RAB3GAP2: variants seen among roughly 807,000 people sequenced by gnomAD.
The protein encoded by RAB3GAP2 is rab3 GTPase-activating protein non-catalytic subunit.
A neutral mutation model predicts 185.3 loss-of-function variants in RAB3GAP2; 87 were observed. The observed-to-expected ratio is 0.47, with a 90% confidence interval of 0.39 to 0.56. The LOEUF (loss-of-function observed/expected upper bound fraction) is 0.56, where lower values mean the gene tolerates loss of function less well. RAB3GAP2 is among the 20% of genes least tolerant of loss of function. The pLI is 0.00. For missense variants in RAB3GAP2, 1,492 were observed against 1,638.2 expected (o/e 0.91, Z 1.54); for synonymous variants, 554 against 576.1 (o/e 0.96, Z 0.55).
At chr1:220,191,993 A>G (rs1344522274) in intron 13 of RAB3GAP2, among the ~76,000 whole-genome samples, 2 of 152,044 alleles carry the variant, frequency 1.3e-5, no homozygotes, top group Non-Finnish European at 2.9e-5. Context: ...GCTATTTTCC[A>G]TTTTAGGGTG....
chr1:220,189,438 C>T (rs957889301), intron 17 of RAB3GAP2, among the ~76,000 whole-genome samples: 6 of 151,712 alleles, frequency 4.0e-5, no homozygotes, highest in African/African-American at 1.5e-4. Flanking sequence ...CCAGGCTGGT[C>T]TCGAACTACT....
At chr1:220,249,858 G>A (rs1571928489) in intron 1 of RAB3GAP2, among the ~76,000 whole-genome samples, 1 of 152,294 alleles carries the variant, frequency 6.6e-6, no homozygotes, top group East Asian at 1.9e-4. Flanking sequence ...TTGGGCCTGT[G>A]GGTGCATAGA....
chr1:220,244,385 G>T (rs534992522), intron 1 of RAB3GAP2, among the ~76,000 whole-genome samples: 5 of 152,078 alleles, frequency 3.3e-5, no homozygotes, highest in Admixed American at 3.3e-4. Context: ...ACTACAAAAC[G>T]CTGCTGAAAG....
intron 1 of RAB3GAP2, among the ~76,000 whole-genome samples, chr1:220,247,617 T>C (rs1220244007): frequency 1.3e-5 from 2 of 151,960 alleles, no homozygotes; most frequent in Non-Finnish European, 2.9e-5. Flanking sequence ...GGGAGGGAGA[T>C]GAAGGATAAA....
chr1:220,231,687 G>A (rs1216988457), intron 2 of RAB3GAP2, among the ~76,000 whole-genome samples: 2 of 152,186 alleles, frequency 1.3e-5, no homozygotes, highest in South Asian at 2.1e-4. Context: ...AAATGAGCAT[G>A]TGGCCCAATC....
At chr1:220,180,686 A>AT (rs1169778377) in intron 21 of RAB3GAP2, among the ~76,000 whole-genome samples, 1 of 152,198 alleles carries the variant, frequency 6.6e-6, no homozygotes, top group Non-Finnish European at 1.5e-5. Context: ...TACTCAAACT[A>AT]TTTCACAACA....
intron 17 of RAB3GAP2, among the ~76,000 whole-genome samples, chr1:220,187,839 G>A (rs916500032): frequency 6.6e-6 from 1 of 151,976 alleles, no homozygotes. Flanking sequence ...CCTGAGTTCT[G>A]TGAGCTGGTC....
chr1:220,171,713 T>C lies in RAB3GAP2; in HGVS notation c.2577+176A>G, dbSNP rs142368719. Among the ~76,000 whole-genome samples, 927 of 152,164 alleles carry C rather than the reference T, an allele frequency of 6.1e-3. 11 individuals carry two copies. Among genetic ancestry groups the C allele is most frequent in the Non-Finnish European group, 5.3e-3 (360 of 68,000 alleles). ...AAAAAAACACAGTAGGACACTGCCA[T>C]GTGACAACTGCTAAATTCAAGTATC... is the stretch of plus-strand genomic sequence containing the variant. On this transcript the variant is annotated intron_variant, in intron 23 of 34. Coordinates refer to ENST00000358951, the MANE Select transcript of RAB3GAP2 (RefSeq NM_012414.4).
intron 17 of RAB3GAP2, among the ~76,000 whole-genome samples, chr1:220,188,665 C>T (rs79722956): frequency 5.9e-5 from 9 of 152,194 alleles, no homozygotes; most frequent in Non-Finnish European, 1.3e-4. Context: ...AAGAAGCTCA[C>T]ACCCTAGCAA....
At chr1:220,154,112 G>C in intron 31 of RAB3GAP2, 55 bp from the exon 32 acceptor site, 1 of 1,602,042 alleles carries the variant, frequency 6.2e-7, no homozygotes, top group Non-Finnish European at 8.5e-7. Context: ...AGGGGGGAGA[G>C]GGAGAAAGAT....
chr1:220,151,145 A>G lies in RAB3GAP2; in HGVS notation c.*106T>C, dbSNP rs1282271848. 4.0e-6 allele frequency: 5 copies of G among 1,235,144 alleles called. No individual in the cohort carries two copies. In the Admixed American group the frequency reaches 6.9e-5, roughly 17 times the overall value. 76.5% of individuals were successfully genotyped at this position (1,235,144 alleles called of 1,614,324 possible). On this transcript the variant is annotated 3_prime_UTR_variant, in exon 35 of 35. Coordinates refer to ENST00000358951, the MANE Select transcript of RAB3GAP2 (RefSeq NM_012414.4). ...TTTTATTTATTTTACAAAAGGAAAAAAAAAGACATACTTTTCCCATAAAAT... is the reference window on the plus strand; with the variant it reads ...TTTTATTTATTTTACAAAAGGAAAAGAAAAGACATACTTTTCCCATAAAAT...
chr1:220,195,433 T>C (rs1458169384), intron 10 of RAB3GAP2, 56 bp from the exon 11 acceptor site: 3 of 1,427,342 alleles, frequency 2.1e-6, no homozygotes, highest in South Asian at 1.1e-5. Context: ...GAAACAAACA[T>C]ACTTTCTAAA....
At chr1:220,236,261 C>T (rs1659589480) in intron 1 of RAB3GAP2, among the ~76,000 whole-genome samples, 1 of 152,124 alleles carries the variant, frequency 6.6e-6, no homozygotes, top group Non-Finnish European at 1.5e-5. Flanking sequence ...ACTGCAACCT[C>T]CAACTCCCTG....
At chr1:220,250,827 T>C (rs1033358296) in intron 1 of RAB3GAP2, among the ~76,000 whole-genome samples, 7 of 152,222 alleles carry the variant, frequency 4.6e-5, no homozygotes, top group African/African-American at 1.7e-4. Flanking sequence ...TCATTCTCCT[T>C]CTTGCCACTA....
In RAB3GAP2 at chr1:220,191,303, G is replaced by A; in HGVS notation, c.1271-19C>T. 1 of 1,459,060 alleles carries A rather than the reference G, an allele frequency of 6.9e-7. No individual in the cohort carries two copies. The allele number at this position is 1,459,060 out of a possible 1,614,324, so 90.4% of individuals were successfully genotyped here. On this transcript the variant is annotated intron_variant, in intron 13 of 34. Coordinates refer to ENST00000358951, the MANE Select transcript of RAB3GAP2 (RefSeq NM_012414.4). Reference sequence around the variant, plus strand: ...CGGTACCCTTAGAGACAGAGGTAAAGGGAAGTTAATTACTTAATCTAGGTT... The same window carrying A: ...CGGTACCCTTAGAGACAGAGGTAAAAGGAAGTTAATTACTTAATCTAGGTT...
chr1:220,162,889 T>C (rs1318604506), intron 27 of RAB3GAP2, among the ~76,000 whole-genome samples: 1 of 152,100 alleles, frequency 6.6e-6, no homozygotes, highest in African/African-American at 2.4e-5. Context: ...CTAAAGTATG[T>C]AGTTATATAA....
chr1:220,194,565 G>C (rs1276511400), intron 12 of RAB3GAP2, among the ~76,000 whole-genome samples: 5 of 152,102 alleles, frequency 3.3e-5, no homozygotes, highest in African/African-American at 1.2e-4. Context: ...ACTAATTTTT[G>C]TATTTTTAGT....
In RAB3GAP2 at chr1:220,153,396, T is replaced by C; in HGVS notation, c.3656A>G (p.Lys1219Arg). 1.9e-6 allele frequency: 3 copies of C among 1,614,040 alleles called. No individual in the cohort carries two copies. The highest frequency in any genetic ancestry group is 2.5e-6 in the Non-Finnish European group (3 of 1,179,890). Residue 1219 changes from lysine (K) to arginine (R), a missense_variant, in exon 33 of 35, where the codon AAA becomes AGA. Lys to Arg is a conservative substitution (Grantham distance 26). Coordinates refer to ENST00000358951, the MANE Select transcript of RAB3GAP2 (RefSeq NM_012414.4). Reference protein sequence around the residue: ...FISVRQQFLLKVVSAAVQAQH... With the variant: ...FISVRQQFLLRVVSAAVQAQH... ...GGCCTGGACAGCTGCACTGACAACT[T>C]TCAATAAGAACTTGAAAATGGAGAA... is the stretch of plus-strand genomic sequence containing the variant.
chr1:220,224,867 T>C (rs527248848), intron 2 of RAB3GAP2, among the ~76,000 whole-genome samples: 7 of 152,224 alleles, frequency 4.6e-5, no homozygotes, highest in African/African-American at 1.2e-4. Context: ...GCCTTAGGAA[T>C]TGGCACCAGG....
Sources: allele counts gnomAD v4.1 joint callset (sites outside exome capture counted in the v4.1 genomes callset), GRCh38; gene constraint gnomAD v4.1.1; transcripts MANE v1.5; gene names NCBI Gene and HGNC (gene_info 2026-07-23, HGNC 2026-07-21).